The following MAST2 variants were observed in gnomAD, a reference collection of about 807,000 sequenced individuals.
MAST2 encodes microtubule-associated serine/threonine-protein kinase 2.
Under a neutral mutation model 147.4 loss-of-function variants are expected in MAST2, and 70 were observed. The observed-to-expected ratio is 0.47, with a 90% CI of 0.39 to 0.58. The LOEUF is 0.58. Ranked by LOEUF, MAST2 falls within the 20% of genes least tolerant of loss-of-function variation. The probability of loss-of-function intolerance (pLI) is 0.00; values close to 1 mark genes in which losing one functional copy is unlikely to be tolerated. For missense variants in MAST2, 2,080 were observed against 2,302.3 expected, an observed-to-expected ratio of 0.90 and a Z score of 1.98; for synonymous variants, 869 against 896.8, an observed-to-expected ratio of 0.97 and a Z score of 0.55.
At chr1:45,905,693 G>A (rs959419921) in intron 4 of MAST2, among the ~76,000 whole-genome samples, 5 of 151,680 alleles carry the variant, frequency 3.3e-5, no homozygotes, top group South Asian at 2.1e-4. Flanking sequence ...GGAGAATGGC[G>A]TGAACCCAGG....
intron 3 of MAST2, among the ~76,000 whole-genome samples, chr1:45,865,443 T>A (rs1483022175): frequency 6.6e-6 from 1 of 152,214 alleles, no homozygotes; most frequent in Non-Finnish European, 1.5e-5. Flanking sequence ...GCTGACAGAT[T>A]GTTTACGGTG....
chr1:45,987,375 A>G (rs1420334895), intron 5 of MAST2, among the ~76,000 whole-genome samples: 1 of 152,008 alleles, frequency 6.6e-6, no homozygotes, highest in Non-Finnish European at 1.5e-5. Context: ...GTAGGGTGGC[A>G]CAAATATGAC....
intron 3 of MAST2, among the ~76,000 whole-genome samples, chr1:45,854,008 G>C (rs1645708650): frequency 6.6e-6 from 1 of 152,034 alleles, no homozygotes; most frequent in Admixed American, 6.6e-5. Flanking sequence ...TGTCCTTTCT[G>C]CATTGAATTG....
intron 15 of MAST2, chr1:46,024,507 G>A (rs1236186543): frequency 1.1e-5 from 2 of 176,670 alleles, no homozygotes; most frequent in African/African-American, 4.7e-5. Context: ...TGTGTGTACA[G>A]CCTCCAAAGA....
At chr1:45,854,487 A>T (rs933931325) in intron 3 of MAST2, among the ~76,000 whole-genome samples, 1 of 152,120 alleles carries the variant, frequency 6.6e-6, no homozygotes, top group African/African-American at 2.4e-5. Flanking sequence ...GGGTAGAGTG[A>T]TTCCTTACAC....
chr1:45,952,870 C>G (rs571866955), intron 4 of MAST2, among the ~76,000 whole-genome samples: 1 of 152,046 alleles, frequency 6.6e-6, no homozygotes, highest in Admixed American at 6.5e-5. Flanking sequence ...ATTTCAGAAA[C>G]AAAGAAGAAA....
chr1:45,855,660 G>C (rs1334590823), intron 3 of MAST2, among the ~76,000 whole-genome samples: 1 of 151,766 alleles, frequency 6.6e-6, no homozygotes, highest in Admixed American at 6.6e-5. Context: ...CATGTTTGTT[G>C]CTACTAGTAT....
chr1:45,922,929 C>T (rs1653763783), intron 4 of MAST2, among the ~76,000 whole-genome samples: 1 of 152,176 alleles, frequency 6.6e-6, no homozygotes, highest in African/African-American at 2.4e-5. Flanking sequence ...GTGACCGTGC[C>T]AGTTGTTTAC....
Position 45,887,716 on chromosome 1 carries a change from C to A in MAST2, c.500+5321C>A, listed in dbSNP as rs79239157. On this transcript the variant is annotated intron_variant, in intron 4 of 28. Transcript: ENST00000361297. ...CCACCTGCTGCATACACATAATAAA[C>A]CCTTTGTTGAGGTATCAGTGGCGTC... Among the ~76,000 whole-genome samples the A allele has an allele frequency of 3.5e-3, 538 of 152,298 alleles. 6 individuals carry two copies. The highest frequency in any genetic ancestry group is 0.034 in the East Asian group (177 of 5,190).
At chr1:45,957,731 A>G (rs1557962806) in intron 4 of MAST2, among the ~76,000 whole-genome samples, 1 of 152,176 alleles carries the variant, frequency 6.6e-6, no homozygotes, top group African/African-American at 2.4e-5. Flanking sequence ...GTGAGCAAAC[A>G]CATTACTCTG....
At chr1:45,903,169 C>T (rs559348974) in intron 4 of MAST2, among the ~76,000 whole-genome samples, 5 of 115,328 alleles carry the variant, frequency 4.3e-5, no homozygotes, top group South Asian at 2.8e-4. Flanking sequence ...CTCACTCTGT[C>T]GCCCAGGCTG....
intron 3 of MAST2, among the ~76,000 whole-genome samples, chr1:45,862,941 A>G (rs1646028606): frequency 6.6e-6 from 1 of 152,080 alleles, no homozygotes; most frequent in African/African-American, 2.4e-5. Context: ...ACTTTGTCAT[A>G]CCTTTTAGCA....
intron 4 of MAST2, among the ~76,000 whole-genome samples, chr1:45,948,646 G>A (rs900425198): frequency 7.5e-6 from 1 of 133,104 alleles, no homozygotes; most frequent in African/African-American, 2.8e-5. Flanking sequence ...GGTGAAGATT[G>A]GAGTGGACTG....
intron 1 of MAST2, among the ~76,000 whole-genome samples, chr1:45,816,206 GGA>G (rs1553202470): frequency 1.5e-5 from 2 of 137,318 alleles, no homozygotes; most frequent in Non-Finnish European, 1.5e-5. Context: ...GGGGTGGGGG[GGA>G]GAGAGAGAGA....
chr1:46,017,396 A>C (rs1392571158), intron 10 of MAST2, among the ~76,000 whole-genome samples: 2 of 152,170 alleles, frequency 1.3e-5, no homozygotes, highest in African/African-American at 4.8e-5. Context: ...GCAACCTACA[A>C]AATGGGAGAA....
chr1:46,013,907 C>T (rs1571209476), intron 10 of MAST2, among the ~76,000 whole-genome samples: 1 of 152,122 alleles, frequency 6.6e-6, no homozygotes, highest in Non-Finnish European at 1.5e-5. Flanking sequence ...AATGGGATTT[C>T]ACCAACTGCT....
In MAST2 at chr1:45,809,225, G is replaced by A. The variant is rs1644225138; in HGVS notation, c.177+5153G>A. Among the ~76,000 whole-genome samples, 3 of 152,214 alleles carry A rather than the reference G, an allele frequency of 2.0e-5. No homozygotes were observed. In the South Asian group the frequency reaches 6.2e-4, roughly 32 times the overall value. On this transcript the variant is annotated intron_variant, in intron 1 of 28. Transcript: ENST00000361297. ...CTGGTATGTAATAGACATTCAGTAA[G>A]TAATTGTTTATTGTTAGGCACTTTG...
chr1:45,839,253 C>T (rs1005700333), intron 3 of MAST2, among the ~76,000 whole-genome samples: 11 of 152,124 alleles, frequency 7.2e-5, no homozygotes, highest in Middle Eastern at 3.4e-3. Flanking sequence ...CTCAGCCTCC[C>T]CAGTAGCTGG....
At chr1:45,886,347 C>CAT (rs1315167330) in intron 4 of MAST2, among the ~76,000 whole-genome samples, 3 of 136,650 alleles carry the variant, frequency 2.2e-5, no homozygotes, top group African/African-American at 8.1e-5. Context: ...CACACACACA[C>CAT]ATTTATAGTG....
Sources: allele counts gnomAD v4.1 joint callset (sites outside exome capture counted in the v4.1 genomes callset), GRCh38; gene constraint gnomAD v4.1.1; transcripts MANE v1.5; gene names NCBI Gene and HGNC (gene_info 2026-07-23, HGNC 2026-07-21).